The following ZNF536 variants were observed in gnomAD, a reference collection of about 807,000 sequenced individuals.
The protein encoded by ZNF536 is zinc finger protein 536.
ZNF536 carries 13 observed loss-of-function variants against 84.5 expected under a neutral mutation model. That is an observed-to-expected ratio of 0.15 (90% CI 0.10 to 0.24). The LOEUF is 0.24. ZNF536 is among the 10% of genes least tolerant of loss of function. The pLI is 1.00. For synonymous variants in ZNF536, 811 were observed against 742.5 expected (o/e 1.09, Z -1.50); for missense variants, 1,536 against 1,747.5 (o/e 0.88, Z 2.16).
chr19:30,708,263 G>T (rs1010100342), intron 1 of ZNF536, among the ~76,000 whole-genome samples: 1 of 152,174 alleles, frequency 6.6e-6, no homozygotes, highest in Non-Finnish European at 1.5e-5. Flanking sequence ...GTTTGAGCCT[G>T]CAGAGAATGA....
chr19:30,420,877 G>A (rs1443424476), intron 1 of ZNF536, among the ~76,000 whole-genome samples: 1 of 152,180 alleles, frequency 6.6e-6, no homozygotes, highest in Non-Finnish European at 1.5e-5. Flanking sequence ...TCGTCCATTT[G>A]GGCCAGGTTC....
chr19:30,228,845 CACA>C lies in ZNF536; in HGVS notation c.-190+175_-190+177del, dbSNP rs974892767. Reference sequence around the variant, plus strand: ...CCGGGACTGCCCGGCTGGCTGCTCGCACAACTTTTTTTTTTTCCCCCGTCTGCT... The same window carrying C: ...CCGGGACTGCCCGGCTGGCTGCTCGCACTTTTTTTTTTTCCCCCGTCTGCT... On this transcript the variant is annotated intron_variant, in intron 1 of 5. Transcript: ENST00000585628. This position sits in a 1 kb window ranked among gnomAD's most constrained non-coding sequence, Gnocchi z 4.5. 33 of 151,176 alleles carry C rather than the reference CACA, an allele frequency of 2.2e-4. 1 individual carries two copies. The highest frequency in any genetic ancestry group is 3.0e-5 in the Non-Finnish European group (2 of 67,736). The allele number at this position is 151,176 out of a possible 1,614,324, so 9.4% of individuals were successfully genotyped here. A position where few individuals can be genotyped will look rare whatever the true frequency, so the allele number is the denominator to read the frequency against.
In ZNF536 at chr19:30,553,873, C is replaced by T. The variant is rs535683682; in HGVS notation, c.3896-3284C>T. The T allele has an allele frequency of 3.9e-5, 6 of 152,294 alleles. No individual in the cohort carries two copies. The South Asian group carries it at 6.2e-4, about 16-fold the overall frequency. 9.4% of individuals were successfully genotyped at this position (152,294 alleles called of 1,614,324 possible). A position where few individuals can be genotyped will look rare whatever the true frequency, so the allele number is the denominator to read the frequency against. On this transcript the variant is annotated intron_variant, in intron 4 of 4. Coordinates refer to ENST00000355537, the MANE Select transcript of ZNF536 (RefSeq NM_014717.3). ...AATATCAGCAAGTTGATTGTGGGCA[C>T]GAGGCCCTATGTGCAGTGGCTACCA...
chr19:30,549,768 G>A (rs1027982337), intron 4 of ZNF536, among the ~76,000 whole-genome samples: 11 of 152,158 alleles, frequency 7.2e-5, no homozygotes, highest in African/African-American at 2.7e-4. Context: ...TGGAAAAGGG[G>A]GTGGTCGCTC....
chr19:30,475,604 G>A (rs2053812855), intron 2 of ZNF536, among the ~76,000 whole-genome samples: 2 of 152,146 alleles, frequency 1.3e-5, no homozygotes, highest in Non-Finnish European at 2.9e-5. Context: ...TAGGCATCTT[G>A]TCTGTGTCTT....
chr19:30,377,257 C>A (rs188940997), intron 1 of ZNF536, among the ~76,000 whole-genome samples: 109 of 152,244 alleles, frequency 7.2e-4, no homozygotes, highest in Non-Finnish European at 2.6e-4. Flanking sequence ...TGGTGGGAGT[C>A]CTGGATGTTA....
intron 2 of ZNF536, among the ~76,000 whole-genome samples, chr19:30,328,383 G>T (rs2047104733): frequency 6.6e-6 from 1 of 152,170 alleles, no homozygotes; most frequent in Non-Finnish European, 1.5e-5. Context: ...CAAAAGCTCT[G>T]CAGCCCCTGA....
At chr19:30,322,938 G>A (rs935959312) in intron 2 of ZNF536, among the ~76,000 whole-genome samples, 1 of 152,220 alleles carries the variant, frequency 6.6e-6, no homozygotes, top group Non-Finnish European at 1.5e-5. Flanking sequence ...AAGCATGATA[G>A]TTCCTTAGGG....
At chr19:30,313,821 A>G (rs2046586581) in intron 2 of ZNF536, among the ~76,000 whole-genome samples, 1 of 152,194 alleles carries the variant, frequency 6.6e-6, no homozygotes, top group Non-Finnish European at 1.5e-5. Flanking sequence ...TGAGTCTCCC[A>G]ACCTGAAGGC....
At chr19:30,622,107 G>A (rs1600059112) in intron 1 of ZNF536, among the ~76,000 whole-genome samples, 1 of 152,224 alleles carries the variant, frequency 6.6e-6, no homozygotes, top group African/African-American at 2.4e-5. Context: ...GAGAGAGTTA[G>A]TTATTTCCAT....
intron 1 of ZNF536, among the ~76,000 whole-genome samples, chr19:30,415,925 T>C (rs1169322562): frequency 6.6e-6 from 1 of 152,348 alleles, no homozygotes; most frequent in East Asian, 1.9e-4. Context: ...TCATCATTTT[T>C]CAATCCTTAG....
chr19:30,674,299 C>T (rs1290022459), intron 1 of ZNF536, among the ~76,000 whole-genome samples: 1 of 152,166 alleles, frequency 6.6e-6, no homozygotes, highest in Non-Finnish European at 1.5e-5. Context: ...GCATCCTGTG[C>T]CATGCACCCT....
chr19:30,426,802 A>G (rs1302916719), intron 1 of ZNF536, among the ~76,000 whole-genome samples: 3 of 152,162 alleles, frequency 2.0e-5, no homozygotes, highest in Non-Finnish European at 4.4e-5. Flanking sequence ...GGGGGAAGGT[A>G]TATTTTGGAA....
intron 2 of ZNF536, among the ~76,000 whole-genome samples, chr19:30,480,143 C>T (rs2054013829): frequency 6.6e-6 from 1 of 152,224 alleles, no homozygotes; most frequent in Admixed American, 6.5e-5. Flanking sequence ...CCCAAGCTCT[C>T]CCGGTTCCAT....
chr19:30,291,268 C>T (rs2045832009), intron 2 of ZNF536, among the ~76,000 whole-genome samples: 1 of 152,204 alleles, frequency 6.6e-6, no homozygotes, highest in African/African-American at 2.4e-5. Flanking sequence ...ACCACACTGT[C>T]TTCCACAATG....
At chr19:30,299,149 C>T (rs1055235738) in intron 2 of ZNF536, among the ~76,000 whole-genome samples, 4 of 152,136 alleles carry the variant, frequency 2.6e-5, no homozygotes, top group Non-Finnish European at 5.9e-5. Context: ...TGGATGCTCC[C>T]TTGATAAAAA....
intron 2 of ZNF536, among the ~76,000 whole-genome samples, chr19:30,477,360 A>G (rs1162007821): frequency 6.6e-6 from 1 of 152,202 alleles, no homozygotes; most frequent in Non-Finnish European, 1.5e-5. Flanking sequence ...CAGGAATGAT[A>G]TACATTCTTC....
intron 1 of ZNF536, among the ~76,000 whole-genome samples, chr19:30,642,384 G>C (rs2049299460): frequency 6.6e-6 from 1 of 152,128 alleles, no homozygotes; most frequent in East Asian, 1.9e-4. Flanking sequence ...ATCCTTCCCT[G>C]GGGGTTGACA....
chr19:30,357,618 G>A (rs138687449), intron 3 of ZNF536, among the ~76,000 whole-genome samples: 69 of 152,264 alleles, frequency 4.5e-4, no homozygotes, highest in African/African-American at 1.6e-3. Context: ...TGGGAATTAG[G>A]GATTTCAGGC....
Sources: gnomAD v4.1 joint callset for allele counts (sites outside exome capture counted in the v4.1 genomes callset) on GRCh38, gnomAD v4.1.1 for gene constraint, Gnocchi (gnomAD v3.1) non-coding constraint, MANE v1.5 for transcripts, NCBI Gene and HGNC (gene_info 2026-07-23, HGNC 2026-07-21) for gene names.